SMG6: variants seen among roughly 807,000 people sequenced by gnomAD.
SMG6 encodes SMG6 nonsense mediated mRNA decay factor.
Under a neutral mutation model 142.2 loss-of-function variants are expected in SMG6, and 66 were observed. The observed-to-expected ratio is 0.46, with a 90% CI of 0.38 to 0.57. SMG6 has a LOEUF of 0.57. Ranked by LOEUF, SMG6 falls within the 20% of genes least tolerant of loss-of-function variation. The probability of loss-of-function intolerance (pLI) is 0.00; values close to 1 mark genes in which losing one functional copy is unlikely to be tolerated. For synonymous variants in SMG6, 779 were observed against 702.4 expected (o/e 1.11, Z -1.72); for missense variants, 1,793 against 1,832.0 (o/e 0.98, Z 0.39).
chr17:2,124,605 C>G (rs1205748946), intron 13 of SMG6, among the ~76,000 whole-genome samples: 1 of 152,176 alleles, frequency 6.6e-6, no homozygotes, highest in African/African-American at 2.4e-5. Context: ...GGCTCTAAGA[C>G]TCCCTATTTT....
intron 13 of SMG6, among the ~76,000 whole-genome samples, chr17:2,165,361 A>T (rs1345988240): frequency 6.6e-6 from 1 of 152,214 alleles, no homozygotes; most frequent in African/African-American, 2.4e-5. Context: ...CAGAAAATGT[A>T]GAAAATAAAT....
chr17:2,268,618 A>G (rs1239394020), intron 8 of SMG6, among the ~76,000 whole-genome samples: 1 of 152,224 alleles, frequency 6.6e-6, no homozygotes, highest in Non-Finnish European at 1.5e-5. Context: ...ACTTAAAAAA[A>G]TACAAAAATT....
intron 6 of SMG6, among the ~76,000 whole-genome samples, chr17:2,288,923 C>CA (rs1432733009): frequency 7.3e-5 from 11 of 151,152 alleles, no homozygotes; most frequent in Non-Finnish European, 1.6e-4. Flanking sequence ...ACTAAAAATA[C>CA]AAAAAATTAG....
At position 2,080,952 on chromosome 17, in the gene SMG6, G is replaced by T. The variant is rs189620650; in HGVS notation, c.3681+858C>A. Among the ~76,000 whole-genome samples the T allele has an allele frequency of 5.9e-5, 9 of 152,300 alleles. No homozygotes were observed. The East Asian group carries it at 1.7e-3, about 29-fold the overall frequency. ...GCCCGGCCAGCACTTTCATTTAACA[G>T]ATGAGGAAACAGGCTCTGAGAAGCT... On this transcript the variant is annotated intron_variant, in intron 15 of 18. Coordinates refer to ENST00000263073, the MANE Select transcript of SMG6 (RefSeq NM_017575.5).
intron 8 of SMG6, among the ~76,000 whole-genome samples, chr17:2,248,665 G>A (rs2073975422): frequency 6.6e-6 from 1 of 152,168 alleles, no homozygotes; most frequent in Admixed American, 6.5e-5. Flanking sequence ...CTTAGTTAAT[G>A]AGAACCACCG....
intron 8 of SMG6, among the ~76,000 whole-genome samples, chr17:2,260,417 G>C (rs1306558251): frequency 6.6e-6 from 1 of 152,218 alleles, no homozygotes; most frequent in East Asian, 1.9e-4. Flanking sequence ...GGCAAGGCCT[G>C]CTTCCAGCTA....
intron 10 of SMG6, among the ~76,000 whole-genome samples, chr17:2,211,684 G>A (rs1391057007): frequency 1.6e-5 from 2 of 126,274 alleles, no homozygotes; most frequent in Non-Finnish European, 1.7e-5. Context: ...AAAAAAAAAA[G>A]GGCGTTCTTT....
intron 9 of SMG6, among the ~76,000 whole-genome samples, chr17:2,242,215 GAAT>G (rs1454979049): frequency 2.0e-5 from 3 of 152,004 alleles, no homozygotes; most frequent in Non-Finnish European, 2.9e-5. Flanking sequence ...GAAAAAACGA[GAAT>G]AAAAGATAAA....
At chr17:2,192,835 T>G (rs948477585) in intron 10 of SMG6, among the ~76,000 whole-genome samples, 1 of 151,892 alleles carries the variant, frequency 6.6e-6, no homozygotes, top group African/African-American at 2.4e-5. Flanking sequence ...GAAGAGGAGG[T>G]AGAGGAAGCA....
intron 12 of SMG6, among the ~76,000 whole-genome samples, chr17:2,183,876 G>GCTT (rs2071885145): frequency 1.3e-5 from 2 of 151,852 alleles, no homozygotes; most frequent in Admixed American, 1.3e-4. Context: ...CAGACAGGTA[G>GCTT]GTAAAAGGCA....
intron 10 of SMG6, among the ~76,000 whole-genome samples, chr17:2,217,738 C>T (rs749715619): frequency 2.6e-5 from 4 of 152,110 alleles, no homozygotes; most frequent in Admixed American, 6.5e-5. Context: ...CCGCCGGGCA[C>T]GGTGGCTCAC....
At chr17:2,193,226 G>A (rs972855545) in intron 10 of SMG6, among the ~76,000 whole-genome samples, 1 of 152,174 alleles carries the variant, frequency 6.6e-6, no homozygotes, top group Non-Finnish European at 1.5e-5. Flanking sequence ...TTGAAAAGTA[G>A]GTGGGACTGC....
chr17:2,299,238 G>A lies in SMG6; in HGVS notation c.1515C>T (p.Asp505=). The A allele has an allele frequency of 1.2e-6, 2 of 1,614,090 alleles. No homozygotes were observed. Among genetic ancestry groups the A allele is most frequent in the Non-Finnish European group, 1.7e-6 (2 of 1,180,000 alleles). The change falls in exon 2 of 19, where the codon GAC becomes GAT. Residue 505 remains aspartate (D), a synonymous_variant. Transcript: ENST00000263073. The surrounding 1 kb of genome is among the most constrained non-coding windows in gnomAD (Gnocchi z 4.3). The part of the protein sequence containing the change: ...QASYYKFQNS[D]NPYYYPRTPG... ...GTGTCCGGGGGTAATAATAGGGGTT[G>A]TCAGAGTTTTGAAACTTATAGTAAG...
At chr17:2,105,796 G>A (rs1433530340) in intron 13 of SMG6, among the ~76,000 whole-genome samples, 2 of 152,172 alleles carry the variant, frequency 1.3e-5, no homozygotes, top group Non-Finnish European at 2.9e-5. Flanking sequence ...AACCTCAGCT[G>A]AATACTTGAT....
chr17:2,151,974 C>T (rs1291129802), intron 13 of SMG6, among the ~76,000 whole-genome samples: 1 of 152,190 alleles, frequency 6.6e-6, no homozygotes, highest in Non-Finnish European at 1.5e-5. Flanking sequence ...GCAATGACTC[C>T]TTGGAGGCTA....
At chr17:2,147,566 A>C (rs1271015269) in intron 13 of SMG6, among the ~76,000 whole-genome samples, 1 of 152,064 alleles carries the variant, frequency 6.6e-6, no homozygotes, top group Non-Finnish European at 1.5e-5. Context: ...ATGAGACCTT[A>C]CTTCTTAAAA....
chr17:2,172,913 A>T, intron 12 of SMG6, 54 bp from the exon 13 acceptor site: 2 of 1,530,952 alleles, frequency 1.3e-6, no homozygotes, highest in Non-Finnish European at 1.8e-6. Context: ...CAGTAAAAAA[A>T]AGTATTCTCA....
intron 8 of SMG6, among the ~76,000 whole-genome samples, chr17:2,246,700 C>A (rs1235824860): frequency 6.6e-6 from 1 of 152,192 alleles, no homozygotes; most frequent in African/African-American, 2.4e-5. Context: ...AATCCCAGCA[C>A]TTTGGGAGGC....
chr17:2,164,730 C>A (rs1346874083), intron 13 of SMG6, among the ~76,000 whole-genome samples: 4 of 151,596 alleles, frequency 2.6e-5, no homozygotes, highest in African/African-American at 9.7e-5. Context: ...TGAGGTCAGG[C>A]GTTTGAGACC....
Sources: allele counts gnomAD v4.1 joint callset (sites outside exome capture counted in the v4.1 genomes callset), GRCh38; gene constraint gnomAD v4.1.1; non-coding constraint Gnocchi (gnomAD v3.1); transcripts MANE v1.5; gene names NCBI Gene and HGNC (gene_info 2026-07-23, HGNC 2026-07-21).